Variants in MLXIP observed in about 807,000 individuals in gnomAD.
The protein encoded by MLXIP is MLX-interacting protein.
In MLXIP, 30 loss-of-function variants were observed where a neutral mutation model predicts 87.2. The ratio of observed to expected loss-of-function variants is 0.34; its 90% confidence interval spans 0.26 to 0.47. The LOEUF (loss-of-function observed/expected upper bound fraction) is 0.47, where lower values mean the gene tolerates loss of function less well. Among genes scored for constraint, MLXIP ranks in the 20% least tolerant of loss-of-function variants. The pLI is 1.00. For synonymous variants in MLXIP, 530 were observed against 514.0 expected, an observed-to-expected ratio of 1.03 and a Z score of -0.42; for missense variants, 1,002 against 1,240.1, an observed-to-expected ratio of 0.81 and a Z score of 2.88.
chr12:122,102,818 A>G (rs1270430831), intron 1 of MLXIP, among the ~76,000 whole-genome samples: 8 of 152,260 alleles, frequency 5.3e-5, no homozygotes. Context: ...AAATGGTTAC[A>G]TACTATATGA....
intron 1 of MLXIP, among the ~76,000 whole-genome samples, chr12:122,104,256 T>C (rs1274669421): frequency 6.6e-6 from 1 of 152,202 alleles, no homozygotes; most frequent in Non-Finnish European, 1.5e-5. Flanking sequence ...GCAATCAATA[T>C]ACAGAACATT....
At chr12:122,126,711 G>A (rs755366102) in intron 1 of MLXIP, among the ~76,000 whole-genome samples, 81 of 152,292 alleles carry the variant, frequency 5.3e-4, no homozygotes, top group Non-Finnish European at 1.1e-3. Flanking sequence ...TGTAGGATAT[G>A]CCAAAGTAGA....
intron 1 of MLXIP, among the ~76,000 whole-genome samples, chr12:122,120,962 A>C (rs1348375066): frequency 6.9e-6 from 1 of 145,566 alleles, no homozygotes; most frequent in Non-Finnish European, 1.5e-5. Flanking sequence ...GGGCTCCACC[A>C]CTGTTCTGAG....
rs919096288 is a variant in MLXIP, at chr12:122,142,478, A to G, written c.*666A>G. ...GGACCAGAATGGAAGCGTGTGATGCACGGTGGCTGCTCTGGCTGAGAGGCC... is the reference window on the plus strand; with the variant it reads ...GGACCAGAATGGAAGCGTGTGATGCGCGGTGGCTGCTCTGGCTGAGAGGCC... On this transcript the variant is annotated 3_prime_UTR_variant, in exon 17 of 17. Transcript: ENST00000319080. 5.4e-6 allele frequency: 2 copies of G among 368,334 alleles called. No individual in the cohort carries two copies. Among genetic ancestry groups the G allele is most frequent in the Non-Finnish European group, 1.1e-5 (2 of 186,106 alleles). The allele number at this position is 368,334 out of a possible 1,614,324, so 22.8% of individuals were successfully genotyped here. A position where few individuals can be genotyped will look rare whatever the true frequency, so the allele number is the denominator to read the frequency against.
chr12:122,104,531 T>C (rs1952490052), intron 1 of MLXIP, among the ~76,000 whole-genome samples: 1 of 152,140 alleles, frequency 6.6e-6, no homozygotes, highest in Non-Finnish European at 1.5e-5. Context: ...GTATTTGATT[T>C]ATCTTCAGTT....
intron 1 of MLXIP, among the ~76,000 whole-genome samples, chr12:122,101,114 C>T (rs1485144007): frequency 6.6e-6 from 1 of 152,214 alleles, no homozygotes; most frequent in East Asian, 1.9e-4. Context: ...CCCGGGCTAA[C>T]TGAATTTTAC....
At chr12:122,131,773 C>T (rs887729779) in intron 7 of MLXIP, among the ~76,000 whole-genome samples, 12 of 151,840 alleles carry the variant, frequency 7.9e-5, no homozygotes, top group African/African-American at 1.2e-4. Flanking sequence ...CTGTAGCCCA[C>T]GCTGGAGTGC....
In MLXIP at chr12:122,081,115, T is replaced by G. The variant is rs535863009; in HGVS notation, c.413+1849T>G. ...TTTTTTCATTTCTCTCAAAAATATT[T>G]TGGCAGCTGGCCGTTGCTCAGTTAA... On this transcript the variant is annotated intron_variant, in intron 1 of 16. Transcript: ENST00000319080. Among the ~76,000 whole-genome samples, 9 of 152,326 alleles carry G rather than the reference T, an allele frequency of 5.9e-5. No homozygotes were observed. The East Asian group carries it at 1.7e-3, about 29-fold the overall frequency.
chr12:122,080,258 C>T (rs1273846882), intron 1 of MLXIP, among the ~76,000 whole-genome samples: 1 of 152,200 alleles, frequency 6.6e-6, no homozygotes, highest in African/African-American at 2.4e-5. Flanking sequence ...GATGGGATCT[C>T]TGCTGAGTTA....
At chr12:122,097,069 T>C (rs1952364228) in intron 1 of MLXIP, among the ~76,000 whole-genome samples, 1 of 152,254 alleles carries the variant, frequency 6.6e-6, no homozygotes, top group African/African-American at 2.4e-5. Context: ...AGCTGCTCGC[T>C]TGTGGTGCTT....
At chr12:122,095,047 ATG>A (rs1196684776) in intron 1 of MLXIP, among the ~76,000 whole-genome samples, 8 of 87,378 alleles carry the variant, frequency 9.2e-5, no homozygotes, top group Non-Finnish European at 1.6e-4. Flanking sequence ...GTGTGTGGGA[ATG>A]TGTGTGGTGT....
intron 1 of MLXIP, among the ~76,000 whole-genome samples, chr12:122,114,759 G>C (rs796882064): frequency 1.2e-4 from 5 of 40,582 alleles, no homozygotes; most frequent in Non-Finnish European, 2.0e-4. Context: ...TTTTTTTGGT[G>C]GGGGGGGACA....
chr12:122,140,748 T>TC, intron 15 of MLXIP: 1 of 765,008 alleles, frequency 1.3e-6, no homozygotes, highest in Non-Finnish European at 2.2e-6. Context: ...GGCCCTGTTG[T>TC]CCAGGTACAG....
intron 5 of MLXIP, 95 bp downstream of exon 5, chr12:122,129,724 C>A: frequency 6.8e-7 from 1 of 1,473,970 alleles, no homozygotes; most frequent in Non-Finnish European, 9.3e-7. Context: ...AGGCGGCAGG[C>A]CATGGGCCCT....
chr12:122,142,420 A>G lies in MLXIP; in HGVS notation c.*608A>G. ...CTTCTTCAGAGGTCCTCCAGGACAC[A>G]TGTGTGCAGAAACGGTGGATGTGGA... On this transcript the variant is annotated 3_prime_UTR_variant, in exon 17 of 17. Coordinates refer to ENST00000319080, the MANE Select transcript of MLXIP (RefSeq NM_014938.6). 1 of 443,574 alleles carries G rather than the reference A, an allele frequency of 2.3e-6. No homozygotes were observed. The highest frequency in any genetic ancestry group is 4.4e-6 in the Non-Finnish European group (1 of 226,040). The allele number at this position is 443,574 out of a possible 1,614,324, so 27.5% of individuals were successfully genotyped here.
At chr12:122,112,154 G>A (rs188013628) in intron 1 of MLXIP, among the ~76,000 whole-genome samples, 53 of 152,288 alleles carry the variant, frequency 3.5e-4, no homozygotes, top group South Asian at 6.2e-4. Flanking sequence ...GGTCAGTGGT[G>A]ATGCAGGGCC....
Position 122,135,945 on chromosome 12 carries a change from G to A in MLXIP, c.2032+279G>A, listed in dbSNP as rs1446057819. 7.8e-6 allele frequency: 3 copies of A among 383,808 alleles called. No individual in the cohort carries two copies. Among genetic ancestry groups the A allele is most frequent in the Non-Finnish European group, 1.4e-5 (3 of 212,940 alleles). 23.8% of individuals were successfully genotyped at this position (383,808 alleles called of 1,614,324 possible). A position where few individuals can be genotyped will look rare whatever the true frequency, so the allele number is the denominator to read the frequency against. Reference sequence around the variant, plus strand: ...CCTGCTGACTGCCCACGAAGGCCTGGTACTGAGCTGCTGATCTCACCCAGA... The same window carrying A: ...CCTGCTGACTGCCCACGAAGGCCTGATACTGAGCTGCTGATCTCACCCAGA... On this transcript the variant is annotated intron_variant, in intron 11 of 16. Transcript: ENST00000319080. This position sits in a 1 kb window ranked among gnomAD's most constrained non-coding sequence, Gnocchi z 5.3.
chr12:122,119,244 A>G (rs1952740874), intron 1 of MLXIP, among the ~76,000 whole-genome samples: 1 of 152,218 alleles, frequency 6.6e-6, no homozygotes, highest in African/African-American at 2.4e-5. Flanking sequence ...TGGTAGCCAT[A>G]CCATATATCT....
intron 1 of MLXIP, among the ~76,000 whole-genome samples, chr12:122,106,664 C>T (rs1044192946): frequency 1.4e-5 from 2 of 139,508 alleles, no homozygotes; most frequent in Admixed American, 1.6e-4. Context: ...TGCAGTGGCG[C>T]GATCTCGGCT....
Sources: gnomAD v4.1 joint callset for allele counts (sites outside exome capture counted in the v4.1 genomes callset) on GRCh38, gnomAD v4.1.1 for gene constraint, Gnocchi (gnomAD v3.1) non-coding constraint, MANE v1.5 for transcripts, NCBI Gene and HGNC (gene_info 2026-07-23, HGNC 2026-07-21) for gene names.